The following PTPRD variants were observed in gnomAD, a reference collection of about 807,000 sequenced individuals.
PTPRD encodes protein tyrosine phosphatase receptor type D, also known as receptor-type tyrosine-protein phosphatase delta.
Under a neutral mutation model 214.5 loss-of-function variants are expected in PTPRD, and 34 were observed. That is an observed-to-expected ratio of 0.16 (90% CI 0.12 to 0.21). PTPRD has a LOEUF of 0.21. PTPRD is among the 10% of genes least tolerant of loss of function. The pLI, the probability that PTPRD is intolerant of heterozygous loss-of-function variation, is 1.00. For missense variants in PTPRD, 2,545 were observed against 2,398.7 expected (o/e 1.06, Z -1.27); for synonymous variants, 1,128 against 845.7 (o/e 1.33, Z -5.79).
chr9:9,066,062 G>C (rs749374241), intron 10 of PTPRD, among the ~76,000 whole-genome samples: 12 of 152,106 alleles, frequency 7.9e-5, no homozygotes, highest in Admixed American at 3.3e-4. Context: ...TCATTGGAGG[G>C]ATTCAGTTTG....
intron 35 of PTPRD, among the ~76,000 whole-genome samples, chr9:8,421,990 A>G (rs796422023): frequency 6.6e-6 from 1 of 151,640 alleles, no homozygotes; most frequent in Admixed American, 6.6e-5. Flanking sequence ...TCTACAAAAA[A>G]TGAAAAGTTA....
intron 11 of PTPRD, among the ~76,000 whole-genome samples, chr9:8,739,742 T>C (rs545177508): frequency 5.3e-5 from 8 of 152,266 alleles, no homozygotes; most frequent in South Asian, 2.1e-4. Flanking sequence ...CCCACCCAAA[T>C]CTCATCTTGA....
chr9:8,829,263 C>T (rs1011775542), intron 11 of PTPRD, among the ~76,000 whole-genome samples: 5 of 152,136 alleles, frequency 3.3e-5, no homozygotes, highest in South Asian at 2.1e-4. Context: ...TGTCCTTATC[C>T]AGTCATCCTC....
intron 3 of PTPRD, among the ~76,000 whole-genome samples, chr9:10,148,998 C>A (rs2099042824): frequency 6.6e-6 from 1 of 152,132 alleles, no homozygotes; most frequent in African/African-American, 2.4e-5. Flanking sequence ...AAATTAATGG[C>A]ATTTCAGTGT....
At chr9:8,802,847 T>C (rs10977302) in intron 11 of PTPRD, among the ~76,000 whole-genome samples, 72,901 of 151,600 alleles carry the variant, frequency 0.48, 19,046 homozygotes, top group Middle Eastern at 0.59. Context: ...AGCCCAGGAG[T>C]TCCAGAGCAG....
chr9:9,982,475 G>GGT lies in PTPRD; in HGVS notation c.-471-43867_-471-43866dup, dbSNP rs201055413. Among the ~76,000 whole-genome samples, 329 of 46,792 alleles carry GGT rather than the reference G, an allele frequency of 7.0e-3. 2 individuals are homozygous for GGT. Among genetic ancestry groups the GGT allele is most frequent in the South Asian group, 0.031 (46 of 1,480 alleles). 30.7% of individuals were successfully genotyped at this position (46,792 alleles called of 152,430 possible). A position where few individuals can be genotyped will look rare whatever the true frequency, so the allele number is the denominator to read the frequency against. ...CATATATTGTTGTTGTGGTGGTGGT[G>GGT]GTGTGTGTGTGTGTGTGTGTGTGTG... On this transcript the variant is annotated intron_variant, in intron 4 of 45. Transcript: ENST00000381196.
At chr9:9,751,202 C>A (rs953246997) in intron 6 of PTPRD, among the ~76,000 whole-genome samples, 1 of 152,008 alleles carries the variant, frequency 6.6e-6, no homozygotes, top group African/African-American at 2.4e-5. Flanking sequence ...ACAAGAGTAT[C>A]CCATTATTAG....
chr9:8,420,874 G>T lies in PTPRD; in HGVS notation c.4086+15718C>A, dbSNP rs373018692. ...GTAGGAAAAGTGAGTTCTGTGATCA[G>T]TATTCCCCTGTTGTTTTATTTCAGG... On this transcript the variant is annotated intron_variant, in intron 35 of 45. Coordinates refer to ENST00000381196, the MANE Select transcript of PTPRD (RefSeq NM_002839.4). Among the ~76,000 whole-genome samples the T allele has an allele frequency of 6.0e-5, 9 of 150,720 alleles. No individual in the cohort carries two copies. The East Asian group carries it at 1.8e-3, about 30-fold the overall frequency.
intron 2 of PTPRD, among the ~76,000 whole-genome samples, chr9:10,457,011 C>A (rs2098922994): frequency 6.6e-6 from 1 of 151,738 alleles, no homozygotes; most frequent in African/African-American, 2.4e-5. Flanking sequence ...CAAAATAGCT[C>A]CAATTTCTTG....
At chr9:8,699,681 T>C (rs10977254) in intron 12 of PTPRD, among the ~76,000 whole-genome samples, 200 of 152,126 alleles carry the variant, frequency 1.3e-3, no homozygotes, top group Admixed American at 2.2e-3. Context: ...ATAAACAAGT[T>C]GTAAAAAATT....
At chr9:9,778,316 C>T (rs1217003094) in intron 5 of PTPRD, among the ~76,000 whole-genome samples, 1 of 152,150 alleles carries the variant, frequency 6.6e-6, no homozygotes, top group Non-Finnish European at 1.5e-5. Context: ...CTCTAGGATC[C>T]TAGCTACAGG....
intron 2 of PTPRD, among the ~76,000 whole-genome samples, chr9:10,495,001 T>C (rs2132909137): frequency 6.6e-6 from 1 of 151,952 alleles, no homozygotes; most frequent in African/African-American, 2.4e-5. Flanking sequence ...CTGATAATTT[T>C]ATGTCGTGCT....
At chr9:9,077,288 T>A (rs188719457) in intron 10 of PTPRD, among the ~76,000 whole-genome samples, 1 of 152,154 alleles carries the variant, frequency 6.6e-6, no homozygotes, top group African/African-American at 2.4e-5. Context: ...GTTGAATGTT[T>A]CAAAGATGGT....
chr9:8,557,790 A>T (rs2084540094), intron 14 of PTPRD, among the ~76,000 whole-genome samples: 1 of 146,014 alleles, frequency 6.8e-6, no homozygotes, highest in African/African-American at 2.6e-5. Context: ...ACACACACAC[A>T]CACACACACA....
chr9:8,387,042 T>C (rs556749355), intron 37 of PTPRD, among the ~76,000 whole-genome samples: 67 of 152,250 alleles, frequency 4.4e-4, no homozygotes, highest in African/African-American at 1.5e-3. Flanking sequence ...CAAATGCCTA[T>C]TGGCTTATGC....
At chr9:10,500,304 G>GA (rs1037353420) in intron 2 of PTPRD, among the ~76,000 whole-genome samples, 1 of 150,918 alleles carries the variant, frequency 6.6e-6, no homozygotes, top group African/African-American at 2.4e-5. Context: ...TTCAGAACCT[G>GA]AAAAAAAATG....
intron 9 of PTPRD, among the ~76,000 whole-genome samples, chr9:9,235,266 C>G (rs2099965840): frequency 6.6e-6 from 1 of 152,158 alleles, no homozygotes; most frequent in Admixed American, 6.5e-5. Flanking sequence ...TCAATTACTT[C>G]CCACTTGGTC....
At chr9:8,501,192 A>T in intron 23 of PTPRD, 133 bp from the exon 24 acceptor site, 1 of 684,572 alleles carries the variant, frequency 1.5e-6, no homozygotes, top group Non-Finnish European at 2.4e-6. Flanking sequence ...TAAGGCTTTG[A>T]AACTTAAATT....
intron 3 of PTPRD, among the ~76,000 whole-genome samples, chr9:10,304,826 T>C (rs934018958): frequency 6.6e-6 from 1 of 152,106 alleles, no homozygotes; most frequent in Non-Finnish European, 1.5e-5. Flanking sequence ...AAAATGGCCA[T>C]ACTGCCCAAA....
Sources: allele counts gnomAD v4.1 joint callset (sites outside exome capture counted in the v4.1 genomes callset), GRCh38; gene constraint gnomAD v4.1.1; transcripts MANE v1.5; gene names NCBI Gene and HGNC (gene_info 2026-07-23, HGNC 2026-07-21).